Variants in NPAS2 observed in about 807,000 individuals in gnomAD.
NPAS2 encodes neuronal PAS domain-containing protein 2.
Under a neutral mutation model 107.5 loss-of-function variants are expected in NPAS2, and 23 were observed. That is an observed-to-expected ratio of 0.21 (90% CI 0.15 to 0.30). NPAS2 has a LOEUF of 0.30. Among genes scored for constraint, NPAS2 ranks in the 10% least tolerant of loss-of-function variants. NPAS2 has a pLI of 1.00. For synonymous variants in NPAS2, 403 were observed against 417.5 expected, an observed-to-expected ratio of 0.97 and a Z score of 0.42; for missense variants, 756 against 1,043.3, an observed-to-expected ratio of 0.72 and a Z score of 3.79.
chr2:100,900,643 C>G (rs1201468275), intron 1 of NPAS2, among the ~76,000 whole-genome samples: 1 of 152,154 alleles, frequency 6.6e-6, no homozygotes, highest in East Asian at 1.9e-4. Flanking sequence ...TTAATGTTGA[C>G]CAGTAGGTGA....
intron 2 of NPAS2, among the ~76,000 whole-genome samples, chr2:100,914,775 A>G (rs1238062860): frequency 6.6e-6 from 1 of 152,222 alleles, no homozygotes; most frequent in Non-Finnish European, 1.5e-5. Context: ...TCTTGGTAAG[A>G]TGGAGTTAGC....
chr2:100,879,972 A>C (rs542334510), intron 1 of NPAS2, among the ~76,000 whole-genome samples: 14 of 152,210 alleles, frequency 9.2e-5, no homozygotes, highest in Admixed American at 6.5e-5. Flanking sequence ...TGTCTTTGAC[A>C]GTCAAGAAGT....
chr2:100,946,420 C>G (rs948681125), intron 5 of NPAS2, among the ~76,000 whole-genome samples: 12 of 152,148 alleles, frequency 7.9e-5, no homozygotes, highest in African/African-American at 2.7e-4. Context: ...GAAGGTTGCA[C>G]AGGGCTTCGT....
chr2:100,862,241 C>G (rs1248018739), intron 1 of NPAS2, among the ~76,000 whole-genome samples: 1 of 152,178 alleles, frequency 6.6e-6, no homozygotes, highest in Non-Finnish European at 1.5e-5. Context: ...GTTTTGTTGT[C>G]TGATCAGACC....
chr2:100,909,754 G>A (rs1334876239), intron 2 of NPAS2, among the ~76,000 whole-genome samples: 2 of 150,470 alleles, frequency 1.3e-5, no homozygotes, highest in African/African-American at 4.9e-5. Context: ...TTTTTTTTAT[G>A]GTTAAGGCAG....
chr2:100,906,305 C>G (rs1196563805), intron 2 of NPAS2, among the ~76,000 whole-genome samples: 1 of 152,162 alleles, frequency 6.6e-6, no homozygotes, highest in East Asian at 1.9e-4. Context: ...GAGTTCCTTC[C>G]TCTGGGATGT....
At chr2:100,861,806 G>A (rs990728424) in intron 1 of NPAS2, among the ~76,000 whole-genome samples, 8 of 152,110 alleles carry the variant, frequency 5.3e-5, no homozygotes, top group African/African-American at 1.9e-4. Flanking sequence ...AAAGCCTTTG[G>A]GCATGTTTTC....
chr2:100,907,713 T>C (rs1245745468), intron 2 of NPAS2, among the ~76,000 whole-genome samples: 3 of 152,170 alleles, frequency 2.0e-5, no homozygotes, highest in Non-Finnish European at 4.4e-5. Context: ...TAGGCAAGGC[T>C]TTCGATGCTT....
intron 1 of NPAS2, among the ~76,000 whole-genome samples, chr2:100,832,365 T>G (rs1676797706): frequency 6.6e-6 from 1 of 152,186 alleles, no homozygotes; most frequent in Non-Finnish European, 1.5e-5. Flanking sequence ...AGCGCTTACC[T>G]GACGGTTGCC....
At chr2:100,850,329 C>T (rs1446130981) in intron 1 of NPAS2, among the ~76,000 whole-genome samples, 1 of 152,156 alleles carries the variant, frequency 6.6e-6, no homozygotes, top group Non-Finnish European at 1.5e-5. Flanking sequence ...TTCCTGTCCT[C>T]TGTCAAACTC....
At chr2:100,880,252 C>T (rs530610017) in intron 1 of NPAS2, among the ~76,000 whole-genome samples, 1 of 152,182 alleles carries the variant, frequency 6.6e-6, no homozygotes, top group Non-Finnish European at 1.5e-5. Context: ...CCATATGACC[C>T]AGCAGTTCCA....
intron 7 of NPAS2, among the ~76,000 whole-genome samples, chr2:100,950,120 A>G (rs1048183582): frequency 6.6e-6 from 1 of 152,244 alleles, no homozygotes; most frequent in African/African-American, 2.4e-5. Flanking sequence ...ACCATGCAAA[A>G]TGGAAATGCA....
At chr2:100,988,585 A>G (rs887209308) in intron 17 of NPAS2, 18 of 387,984 alleles carry the variant, frequency 4.6e-5, no homozygotes, top group Non-Finnish European at 6.7e-5. Context: ...GGAGGCAGAT[A>G]TGGCCATCCC....
At chr2:100,978,698 G>A (rs1677198901) in intron 15 of NPAS2, among the ~76,000 whole-genome samples, 2 of 152,338 alleles carry the variant, frequency 1.3e-5, no homozygotes, top group Admixed American at 6.5e-5. Flanking sequence ...GAACTAAAGG[G>A]AGAGACAGGC....
intron 1 of NPAS2, among the ~76,000 whole-genome samples, chr2:100,863,282 T>C (rs1431172507): frequency 6.6e-6 from 1 of 152,194 alleles, no homozygotes; most frequent in African/African-American, 2.4e-5. Context: ...AAGAGGGCCA[T>C]GGCTGCTAGA....
chr2:100,857,298 CAAAAA>C (rs11312399), intron 1 of NPAS2, among the ~76,000 whole-genome samples: 1 of 87,902 alleles, frequency 1.1e-5, no homozygotes, highest in African/African-American at 3.4e-5. Flanking sequence ...AACTCCTTCT[CAAAAA>C]AAAAAAAAAA....
intron 1 of NPAS2, chr2:100,901,521 T>C: frequency 1.0e-6 from 1 of 985,264 alleles, no homozygotes; most frequent in Non-Finnish European, 1.2e-6. Flanking sequence ...ACCGGGCGTG[T>C]TCCCTTCTCT....
chr2:100,848,986 A>G (rs1208054721), intron 1 of NPAS2, among the ~76,000 whole-genome samples: 1 of 152,244 alleles, frequency 6.6e-6, no homozygotes, highest in Non-Finnish European at 1.5e-5. Context: ...CAGATGCCGC[A>G]GGTCATCCAG....
At chr2:100,957,197 A>C (rs949998917) in intron 7 of NPAS2, among the ~76,000 whole-genome samples, 4 of 152,246 alleles carry the variant, frequency 2.6e-5, no homozygotes, top group Non-Finnish European at 5.9e-5. Context: ...AAATGGGACA[A>C]GAAAGTAGTC....
Sources: gnomAD v4.1 joint callset for allele counts (sites outside exome capture counted in the v4.1 genomes callset) on GRCh38, gnomAD v4.1.1 for gene constraint, MANE v1.5 for transcripts, NCBI Gene and HGNC (gene_info 2026-07-23, HGNC 2026-07-21) for gene names.